The following GPC5 variants were observed in gnomAD, a reference collection of about 807,000 sequenced individuals.
GPC5 encodes glypican 5.
Under a neutral mutation model 53.9 loss-of-function variants are expected in GPC5, and 47 were observed. That is an observed-to-expected ratio of 0.87 (90% CI 0.69 to 1.11). The LOEUF (loss-of-function observed/expected upper bound fraction) is 1.11. Among genes scored for constraint, GPC5 ranks in the 50% most tolerant of loss-of-function variants. The pLI, the probability that GPC5 is intolerant of heterozygous loss-of-function variation, is 0.00. For synonymous variants in GPC5, 286 were observed against 263.3 expected (o/e 1.09, Z -0.84); for missense variants, 748 against 713.1 (o/e 1.05, Z -0.56).
chr13:91,938,872 G>A (rs1461541744), intron 6 of GPC5, among the ~76,000 whole-genome samples: 2 of 152,064 alleles, frequency 1.3e-5, no homozygotes, highest in Non-Finnish European at 2.9e-5. Context: ...ATCCTTGAAT[G>A]ATAGTTTTAG....
At chr13:92,758,988 A>G (rs1594486392) in intron 7 of GPC5, among the ~76,000 whole-genome samples, 2 of 93,950 alleles carry the variant, frequency 2.1e-5, no homozygotes, top group South Asian at 3.6e-4. Context: ...TCCTTTTCCC[A>G]TTGCGGTTTT....
At chr13:92,184,158 T>C (rs1225668149) in intron 7 of GPC5, among the ~76,000 whole-genome samples, 1 of 152,138 alleles carries the variant, frequency 6.6e-6, no homozygotes, top group East Asian at 1.9e-4. Flanking sequence ...TTTTCTTTTT[T>C]CTTTTGAGGA....
At chr13:92,669,233 C>T (rs34065542) in intron 7 of GPC5, among the ~76,000 whole-genome samples, 33,598 of 151,994 alleles carry the variant, frequency 0.22, 4,367 homozygotes, top group South Asian at 0.36. Flanking sequence ...CATGTTCCTC[C>T]AGAACATTCT....
chr13:92,546,691 A>C (rs1224012680), intron 7 of GPC5, among the ~76,000 whole-genome samples: 1 of 152,226 alleles, frequency 6.6e-6, no homozygotes, highest in East Asian at 1.9e-4. Context: ...TGGAAACAAA[A>C]AAGAGCCCAC....
At chr13:92,624,548 A>G (rs1392123396) in intron 7 of GPC5, among the ~76,000 whole-genome samples, 1 of 152,244 alleles carries the variant, frequency 6.6e-6, no homozygotes, top group Non-Finnish European at 1.5e-5. Context: ...CCACAGATTT[A>G]TGAATGATGG....
chr13:91,864,655 C>G (rs75240450), intron 5 of GPC5, among the ~76,000 whole-genome samples: 2 of 151,994 alleles, frequency 1.3e-5, no homozygotes, highest in African/African-American at 2.4e-5. Flanking sequence ...TTAATTACCA[C>G]TACAACATTA....
At chr13:91,935,698 C>G (rs534060263) in intron 6 of GPC5, among the ~76,000 whole-genome samples, 23 of 152,092 alleles carry the variant, frequency 1.5e-4, no homozygotes, top group African/African-American at 4.6e-4. Flanking sequence ...ATAGAAGTCA[C>G]TGGAACACAG....
At chr13:91,517,212 G>T (rs1190546273) in intron 2 of GPC5, among the ~76,000 whole-genome samples, 2 of 152,142 alleles carry the variant, frequency 1.3e-5, no homozygotes, top group African/African-American at 4.8e-5. Context: ...GCATAGTCAG[G>T]CTGCATATTT....
chr13:91,832,471 C>T lies in GPC5; in HGVS notation c.1281-75466C>T, dbSNP rs138214928. Among the ~76,000 whole-genome samples the T allele has an allele frequency of 1.7e-4, 26 of 151,914 alleles. No homozygotes were observed. In the East Asian group the frequency reaches 5.1e-3, roughly 30 times the overall value. On this transcript the variant is annotated intron_variant, in intron 5 of 7. Transcript: ENST00000377067. ...TGTCTTTTAATTGGGGCATTTAGCC[C>T]ATTTACATTTAAGATTAATATTGTT...
At chr13:91,868,059 G>T (rs2039103237) in intron 5 of GPC5, among the ~76,000 whole-genome samples, 1 of 152,146 alleles carries the variant, frequency 6.6e-6, no homozygotes, top group Non-Finnish European at 1.5e-5. Flanking sequence ...CTGTTAAATT[G>T]AAATCATATT....
At chr13:91,829,601 G>T (rs2038624689) in intron 5 of GPC5, among the ~76,000 whole-genome samples, 1 of 152,024 alleles carries the variant, frequency 6.6e-6, no homozygotes, top group East Asian at 1.9e-4. Context: ...TTATCTTGGT[G>T]TATTAGTCAG....
At chr13:91,850,541 C>T (rs947157526) in intron 5 of GPC5, among the ~76,000 whole-genome samples, 2 of 152,090 alleles carry the variant, frequency 1.3e-5, no homozygotes, top group South Asian at 2.1e-4. Context: ...GTCTGATCTT[C>T]CCTATTCTAT....
chr13:92,315,485 A>G (rs1398790273), intron 7 of GPC5, among the ~76,000 whole-genome samples: 3 of 152,160 alleles, frequency 2.0e-5, no homozygotes, highest in Admixed American at 6.5e-5. Context: ...AAAAGCCCCA[A>G]TCATTTCTGC....
intron 7 of GPC5, among the ~76,000 whole-genome samples, chr13:92,274,625 C>T (rs906849453): frequency 6.6e-6 from 1 of 152,078 alleles, no homozygotes; most frequent in African/African-American, 2.4e-5. Flanking sequence ...ATCAAGGTGT[C>T]AGTAACAGCT....
chr13:91,865,347 C>T (rs796880954), intron 5 of GPC5, among the ~76,000 whole-genome samples: 17 of 151,996 alleles, frequency 1.1e-4, no homozygotes, highest in Admixed American at 2.6e-4. Context: ...AAATGTATCT[C>T]GTGTACAAAT....
intron 2 of GPC5, among the ~76,000 whole-genome samples, chr13:91,614,074 T>C (rs1375467576): frequency 2.0e-5 from 3 of 152,174 alleles, no homozygotes; most frequent in Admixed American, 6.5e-5. Context: ...AGAGATATGC[T>C]GGATGTAGTC....
At chr13:92,073,927 G>T (rs541984835) in intron 6 of GPC5, among the ~76,000 whole-genome samples, 5 of 152,276 alleles carry the variant, frequency 3.3e-5, no homozygotes, top group African/African-American at 1.2e-4. Context: ...CATGAGAGCT[G>T]ATGGTTTTAT....
chr13:91,556,487 T>C (rs2030954056), intron 2 of GPC5, among the ~76,000 whole-genome samples: 1 of 151,412 alleles, frequency 6.6e-6, no homozygotes, highest in Non-Finnish European at 1.5e-5. Context: ...CAAATGCCCA[T>C]CAATCAATGA....
chr13:92,357,287 G>A (rs2043530301), intron 7 of GPC5, among the ~76,000 whole-genome samples: 1 of 151,676 alleles, frequency 6.6e-6, no homozygotes. Flanking sequence ...TTGAGGAATT[G>A]CCACACTGCT....
Sources: allele counts gnomAD v4.1 joint callset (sites outside exome capture counted in the v4.1 genomes callset), GRCh38; gene constraint gnomAD v4.1.1; transcripts MANE v1.5; gene names NCBI Gene and HGNC (gene_info 2026-07-23, HGNC 2026-07-21).